MED25: variants seen among roughly 807,000 people sequenced by gnomAD.
MED25 encodes the protein mediator of RNA polymerase II transcription subunit 25.
A neutral mutation model predicts 89.4 loss-of-function variants in MED25; 62 were observed. The ratio of observed to expected loss-of-function variants is 0.69; its 90% CI spans 0.57 to 0.86. The LOEUF is 0.86. MED25 is among the 40% of genes least tolerant of loss of function. The pLI is 0.00. For synonymous variants in MED25, 449 were observed against 427.9 expected (o/e 1.05, Z -0.61); for missense variants, 905 against 1,005.2 (o/e 0.90, Z 1.35).
In MED25 at chr19:49,832,409, C is replaced by T. The variant is rs750836603; in HGVS notation, c.1476C>T (p.Asn492=). The T allele has an allele frequency of 1.4e-5, 23 of 1,587,484 alleles. No homozygotes were observed. Among genetic ancestry groups the T allele is most frequent in the Admixed American group, 5.0e-5 (3 of 59,442 alleles). The part of the protein sequence containing the change: ...SLKGLYRIMG[N]GFAGCVHFPH... Reference sequence around the variant, plus strand: ...AAGGCCTCTACCGCATCATGGGCAACGGCTTCGTGAGTCCAGGGCATGGGG... The same window carrying T: ...AAGGCCTCTACCGCATCATGGGCAATGGCTTCGTGAGTCCAGGGCATGGGG... Residue 492 remains asparagine (N), a synonymous_variant, in exon 13 of 18, where the codon AAC becomes AAT. Coordinates refer to ENST00000312865, the MANE Select transcript of MED25 (RefSeq NM_030973.4).
Position 49,829,815 on chromosome 19 carries a change from C to A in MED25, c.555C>A (p.Pro185=). 6.2e-7 allele frequency: 1 copy of A among 1,603,444 alleles called. No individual in the cohort carries two copies. The highest frequency in any genetic ancestry group is 2.3e-5 in the East Asian group (1 of 44,248). The change falls in exon 6 of 18, where the codon CCC becomes CCA. Residue 185 remains proline, a synonymous_variant. Coordinates refer to ENST00000312865, the MANE Select transcript of MED25 (RefSeq NM_030973.4). This position sits in a 1 kb window ranked among gnomAD's most constrained non-coding sequence, Gnocchi z 4.6. ...ERGIHFSIVS[P]RKLPALRLLF... ...GGATCCACTTCTCCATTGTGTCTCC[C>A]CGGAAGCTGCCTGCGCTTCGGCTTC...
At chr19:49,825,288 T>C (rs1217575500) in intron 3 of MED25, among the ~76,000 whole-genome samples, 3 of 151,954 alleles carry the variant, frequency 2.0e-5, no homozygotes, top group East Asian at 2.0e-4. Flanking sequence ...TCTCTCTCTC[T>C]CCCAGGCTGG....
intron 3 of MED25, chr19:49,819,710 C>A: frequency 3.0e-6 from 1 of 338,828 alleles, no homozygotes; most frequent in East Asian, 8.1e-5. Context: ...TGTCCCCTTT[C>A]TGTCCTCTCT....
rs1568625990 is a variant in MED25 at position 49,836,402 on chromosome 19, G to GC, written c.2144dup (p.Gly716ArgfsTer?). ...CACAACTTCCCCCTCGGGCTCCACT[G>GC]CCAGGTAAGGGGACCCGGGGGAGGG... On this transcript the variant is annotated frameshift_variant, in exon 17 of 18. Transcript: ENST00000312865. LOFTEE classifies it high-confidence loss of function. The surrounding 1 kb of genome is among the most constrained non-coding windows in gnomAD (Gnocchi z 5.1). The GC allele has an allele frequency of 6.3e-7, 1 of 1,591,230 alleles. No homozygotes were observed.
intron 3 of MED25, among the ~76,000 whole-genome samples, chr19:49,824,587 GAAAAAAAA>G (rs71180656): frequency 8.1e-6 from 1 of 122,970 alleles, no homozygotes. Flanking sequence ...CCTGTCTCGG[GAAAAAAAA>G]AAAAAAAAAA....
Position 49,834,877 on chromosome 19 carries a change from C to A in MED25, c.1483-109C>A. The A allele has an allele frequency of 8.7e-7, 1 of 1,151,576 alleles. No individual in the cohort carries two copies. The highest frequency in any genetic ancestry group is 1.3e-6 in the Non-Finnish European group (1 of 770,402). The allele number at this position is 1,151,576 out of a possible 1,614,324, so 71.3% of individuals were successfully genotyped here. A position where few individuals can be genotyped will look rare whatever the true frequency, so the allele number is the denominator to read the frequency against. On this transcript the variant is annotated intron_variant, in intron 13 of 17. Coordinates refer to ENST00000312865, the MANE Select transcript of MED25 (RefSeq NM_030973.4). This position sits in a 1 kb window ranked among gnomAD's most constrained non-coding sequence, Gnocchi z 4.1. ...TCTCCTTAACCTTCTATAGCAGAAACCTCACCTCACCTTGCCTGTGGGGCC... is the reference window on the plus strand; with the variant it reads ...TCTCCTTAACCTTCTATAGCAGAAAACTCACCTCACCTTGCCTGTGGGGCC...
chr19:49,836,308 A>G lies in MED25; in HGVS notation c.2048A>G (p.His683Arg), dbSNP rs758492263. 2 of 1,611,112 alleles carry G rather than the reference A, an allele frequency of 1.2e-6. No individual in the cohort carries two copies. The highest frequency in any genetic ancestry group is 2.7e-5 in the African/African-American group (2 of 74,826). ...PGAPALLPPPHQGLGQPQLGP... is the reference protein window; with the variant it reads ...PGAPALLPPPRQGLGQPQLGP... ...GCTCCTGCGCTGCTGCCTCCGCCGC[A>G]CCAGGGCCTGGGGCAGCCCCAGTTG... Residue 683 changes from histidine to arginine, a missense_variant, in exon 17 of 18, where the codon CAC becomes CGC. Around this residue, in one of 3 missense-constraint regions of MED25, gnomAD observed 271 missense variants for 258.1 expected, o/e 1.05. Coordinates refer to ENST00000312865, the MANE Select transcript of MED25 (RefSeq NM_030973.4). This position sits in a 1 kb window ranked among gnomAD's most constrained non-coding sequence, Gnocchi z 5.1.
downstream of MED25, chr19:49,839,003 C>T (rs1202368902): frequency 1.8e-5 from 6 of 341,510 alleles, no homozygotes; most frequent in East Asian, 7.6e-5. Flanking sequence ...TTAAGTCTAA[C>T]GGGCATTTGC....
At chr19:49,828,381 G>A in intron 3 of MED25, 68 bp from the exon 4 acceptor site, 3 of 1,068,720 alleles carry the variant, frequency 2.8e-6, no homozygotes, top group Non-Finnish European at 2.9e-6. Context: ...ATGGGAGCAG[G>A]CTCTTCAAGC....
chr19:49,835,478 C>G lies in MED25; in HGVS notation c.1675-56C>G. 6.8e-7 allele frequency: 1 copy of G among 1,480,226 alleles called. No individual in the cohort carries two copies. The allele number at this position is 1,480,226 out of a possible 1,614,324, so 91.7% of individuals were successfully genotyped here. On this transcript the variant is annotated intron_variant, in intron 14 of 17. Transcript: ENST00000312865. The surrounding 1 kb of genome is among the most constrained non-coding windows in gnomAD (Gnocchi z 6.2). Reference sequence around the variant, plus strand: ...CCTCAGGGCACAGGCCCTCCCGCCTCAGATTCAGGATGCCACCACCCTCAG... The same window carrying G: ...CCTCAGGGCACAGGCCCTCCCGCCTGAGATTCAGGATGCCACCACCCTCAG...
intron 3 of MED25, 42 bp downstream of exon 3, chr19:49,819,338 AGGGGCCGT>A (rs2073965426): frequency 6.3e-7 from 1 of 1,599,952 alleles, no homozygotes; most frequent in Admixed American, 1.7e-5. Context: ...GGTCCCTGTG[AGGGGCCGT>A]GAATGAGTGA....
chr19:49,830,626 G>T lies in MED25; in HGVS notation c.907+28G>T, dbSNP rs372642894. 6.2e-7 allele frequency: 1 copy of T among 1,613,422 alleles called. No homozygotes were observed. Among genetic ancestry groups the T allele is most frequent in the Non-Finnish European group, 8.5e-7 (1 of 1,179,370 alleles). On this transcript the variant is annotated intron_variant, in intron 8 of 17. Coordinates refer to ENST00000312865, the MANE Select transcript of MED25 (RefSeq NM_030973.4). This position sits in a 1 kb window ranked among gnomAD's most constrained non-coding sequence, Gnocchi z 4.6. Reference sequence around the variant, plus strand: ...GAGTCCTGGAGTGAGGATGAAGGGCGGGCAGGGGCCAGGCAGGCCTCTCTC... The same window carrying T: ...GAGTCCTGGAGTGAGGATGAAGGGCTGGCAGGGGCCAGGCAGGCCTCTCTC...
Position 49,820,716 on chromosome 19 carries a change from T to C in MED25, c.305+1420T>C, listed in dbSNP as rs534391444. ...CTCTCAGACAAGTCAGCCTAATACATAGAACTTATTTCTCTTTTTAATTTT... is the reference window on the plus strand; with the variant it reads ...CTCTCAGACAAGTCAGCCTAATACACAGAACTTATTTCTCTTTTTAATTTT... On this transcript the variant is annotated intron_variant, in intron 3 of 17. Transcript: ENST00000312865. 1.3e-3 allele frequency among the ~76,000 whole-genome samples: 204 copies of C among 152,364 alleles called. 1 individual carries two copies. The highest frequency in any genetic ancestry group is 4.8e-3 in the African/African-American group (198 of 41,588).
chr19:49,822,242 A>G (rs141334244), intron 3 of MED25, among the ~76,000 whole-genome samples: 5,134 of 148,120 alleles, frequency 0.035, 150 homozygotes, highest in South Asian at 0.11. Flanking sequence ...CAGCCTGGGC[A>G]ACAGAGCAAG....
rs2074042716 is a variant in MED25 at position 49,830,026 on chromosome 19, C to T, written c.689-62C>T. On this transcript the variant is annotated intron_variant, in intron 6 of 17. Coordinates refer to ENST00000312865, the MANE Select transcript of MED25 (RefSeq NM_030973.4). This position sits in a 1 kb window ranked among gnomAD's most constrained non-coding sequence, Gnocchi z 4.6. ...TCCCTCTGACTTGGATTTTGGATTT[C>T]TCTCCTTTCTCTGCATCTTGAATCC... is the stretch of plus-strand genomic sequence containing the variant. 2.5e-6 allele frequency: 4 copies of T among 1,595,996 alleles called. No individual in the cohort carries two copies. The Admixed American group carries it at 6.7e-5, about 27-fold the overall frequency.
intron 3 of MED25, among the ~76,000 whole-genome samples, chr19:49,822,820 T>G (rs574554476): frequency 1.3e-4 from 20 of 151,926 alleles, no homozygotes; most frequent in Non-Finnish European, 2.6e-4. Flanking sequence ...GCTAATTTTT[T>G]GTATTTTTAG....
chr19:49,830,916 C>CTCCTTCCTCCTGCCCCTGA lies in MED25; in HGVS notation c.1101+42_1101+43insCCCTGATCCTTCCTCCTGC. 1.3e-6 allele frequency: 2 copies of CTCCTTCCTCCTGCCCCTGA among 1,594,634 alleles called. No individual in the cohort carries two copies. The highest frequency in any genetic ancestry group is 1.7e-6 in the Non-Finnish European group (2 of 1,171,658). On this transcript the variant is annotated intron_variant, in intron 9 of 17. Coordinates refer to ENST00000312865, the MANE Select transcript of MED25 (RefSeq NM_030973.4). The surrounding 1 kb of genome is among the most constrained non-coding windows in gnomAD (Gnocchi z 4.6). ...GGTGCCTGCACGCCTCCTGCCCCTG[C>CTCCTTCCTCCTGCCCCTGA]TCCTTCCTCCTGCTGTCCACAGCTA...
At position 49,835,887 on chromosome 19, in the gene MED25, G is replaced by A. The variant is rs1238034418; in HGVS notation, c.1907G>A (p.Arg636Gln). The change falls in exon 16 of 18, where the codon CGG (arginine) becomes CAG (glutamine). Residue 636 changes from arginine (R) to glutamine (Q), a missense_variant. Physicochemically the swap from Arg to Gln is conservative, Grantham distance 43. Around this residue, in one of 3 missense-constraint regions of MED25, gnomAD observed 271 missense variants for 258.1 expected, o/e 1.05. Transcript: ENST00000312865. The surrounding 1 kb of genome is among the most constrained non-coding windows in gnomAD (Gnocchi z 6.2). The part of the protein sequence containing the change: ...SGPPPPGPIL[R>Q]PQNPGANPQL... ...CCACCCCCTCCTGGACCCATCCTTCGGCCCCAGAACCCTGGGGCCAACCCT... is the reference window on the plus strand; with the variant it reads ...CCACCCCCTCCTGGACCCATCCTTCAGCCCCAGAACCCTGGGGCCAACCCT... 4 of 1,612,546 alleles carry A rather than the reference G, an allele frequency of 2.5e-6. No individual in the cohort carries two copies. The highest frequency in any genetic ancestry group is 2.2e-5 in the South Asian group (2 of 91,088).
chr19:49,830,262 G>A lies in MED25; in HGVS notation c.819+44G>A. 6.3e-7 allele frequency: 1 copy of A among 1,594,140 alleles called. No individual in the cohort carries two copies. Among genetic ancestry groups the A allele is most frequent in the Non-Finnish European group, 8.6e-7 (1 of 1,168,294 alleles). Reference sequence around the variant, plus strand: ...AGGGACATGCTTCTGGGGACTTGCTGGAGCCCTGGCCCCTGGGGAGAAATC... The same window carrying A: ...AGGGACATGCTTCTGGGGACTTGCTAGAGCCCTGGCCCCTGGGGAGAAATC... On this transcript the variant is annotated intron_variant, in intron 7 of 17. Coordinates refer to ENST00000312865, the MANE Select transcript of MED25 (RefSeq NM_030973.4). The surrounding 1 kb of genome is among the most constrained non-coding windows in gnomAD (Gnocchi z 4.6).
Sources: allele counts gnomAD v4.1 joint callset (sites outside exome capture counted in the v4.1 genomes callset), GRCh38; gene constraint gnomAD v4.1.1; regional missense constraint gnomAD v4.1.1; non-coding constraint Gnocchi (gnomAD v3.1); transcripts MANE v1.5; gene names NCBI Gene and HGNC (gene_info 2026-07-23, HGNC 2026-07-21).